The following ELAVL2 variants were observed in gnomAD, a reference collection of about 807,000 sequenced individuals.
ELAVL2 encodes ELAV-like protein 2.
A neutral mutation model predicts 34.6 loss-of-function variants in ELAVL2; 4 were observed. The observed-to-expected ratio is 0.12, with a 90% CI of 0.06 to 0.26. The LOEUF is 0.26. Among genes scored for constraint, ELAVL2 ranks in the 10% least tolerant of loss-of-function variants. The probability of loss-of-function intolerance (pLI) is 1.00; values close to 1 mark genes in which losing one functional copy is unlikely to be tolerated. For missense variants in ELAVL2, 432 were observed against 442.8 expected, an observed-to-expected ratio of 0.98 and a Z score of 0.22; for synonymous variants, 193 against 154.8, an observed-to-expected ratio of 1.25 and a Z score of -1.83.
At chr9:23,701,893 T>G (rs191939980) in intron 4 of ELAVL2, among the ~76,000 whole-genome samples, 1 of 152,222 alleles carries the variant, frequency 6.6e-6, no homozygotes, top group Admixed American at 6.5e-5. Context: ...ATGTCCATGT[T>G]TTCTCTCTCT....
chr9:23,776,429 A>T (rs754555489), intron 1 of ELAVL2, among the ~76,000 whole-genome samples: 10 of 152,160 alleles, frequency 6.6e-5, no homozygotes, highest in Non-Finnish European at 1.2e-4. Context: ...GGAAACCTGA[A>T]GTTTATACTC....
At chr9:23,724,085 G>A (rs1325219185) in intron 3 of ELAVL2, among the ~76,000 whole-genome samples, 2 of 152,148 alleles carry the variant, frequency 1.3e-5, no homozygotes. Context: ...ACCATACTTT[G>A]CATAAGTTTA....
intron 5 of ELAVL2, 70 bp from the exon 6 acceptor site, chr9:23,693,556 A>T: frequency 6.5e-7 from 1 of 1,547,556 alleles, no homozygotes; most frequent in East Asian, 2.2e-5. Flanking sequence ...AGTTGGGCTC[A>T]TTACTGCCAT....
chr9:23,708,303 A>G (rs2039963807), intron 3 of ELAVL2, among the ~76,000 whole-genome samples: 1 of 152,224 alleles, frequency 6.6e-6, no homozygotes, highest in Non-Finnish European at 1.5e-5. Context: ...TTCACAAACT[A>G]CAATATTTTG....
rs559850347 is a variant in ELAVL2 at position 23,755,969 on chromosome 9, G to C, written c.229+6037C>G. 4.5e-4 allele frequency among the ~76,000 whole-genome samples: 68 copies of C among 152,186 alleles called. No homozygotes were observed. The South Asian group carries it at 0.014, about 31-fold the overall frequency. On this transcript the variant is annotated intron_variant, in intron 2 of 6. Coordinates refer to ENST00000397312, the MANE Select transcript of ELAVL2 (RefSeq NM_004432.5). ...AATTAATGTTCATCAAAACAGCTTT[G>C]TGTTCACTGTGATTGACTCATAGGA... is the stretch of plus-strand genomic sequence containing the variant.
intron 2 of ELAVL2, among the ~76,000 whole-genome samples, chr9:23,732,528 T>A (rs1028587224): frequency 3.3e-5 from 5 of 152,244 alleles, no homozygotes; most frequent in African/African-American, 1.2e-4. Context: ...GAGTCACATG[T>A]GAAGCCACTG....
At position 23,807,295 on chromosome 9, in the gene ELAVL2, G is replaced by C. The variant is rs145287318; in HGVS notation, c.-16+18511C>G. On this transcript the variant is annotated intron_variant, in intron 1 of 6. Coordinates refer to ENST00000397312, the MANE Select transcript of ELAVL2 (RefSeq NM_004432.5). Reference sequence around the variant, plus strand: ...TAGGTCTGGTGATCTGTGTGAATGAGGAAACTAGCCAGATGGAAAATTCAC... The same window carrying C: ...TAGGTCTGGTGATCTGTGTGAATGACGAAACTAGCCAGATGGAAAATTCAC... Among the ~76,000 whole-genome samples, 602 of 152,150 alleles carry C rather than the reference G, an allele frequency of 4.0e-3. 1 individual carries two copies. Among genetic ancestry groups the C allele is most frequent in the Non-Finnish European group, 6.9e-3 (466 of 67,988 alleles).
chr9:23,702,291 A>G (rs144585093), intron 4 of ELAVL2, among the ~76,000 whole-genome samples: 2,482 of 152,264 alleles, frequency 0.016, 27 homozygotes, highest in South Asian at 0.03. Context: ...AAAAATAAAT[A>G]AATTTCTAGA....
At chr9:23,720,410 G>A (rs908836101) in intron 3 of ELAVL2, among the ~76,000 whole-genome samples, 4 of 148,742 alleles carry the variant, frequency 2.7e-5, no homozygotes, top group African/African-American at 9.9e-5. Context: ...ACTTCTGACT[G>A]CCCACCTCAG....
chr9:23,693,457 C>T lies in ELAVL2; in HGVS notation c.743G>A (p.Gly248Glu). 3 of 1,614,086 alleles carry T rather than the reference C, an allele frequency of 1.9e-6. No homozygotes were observed. Among genetic ancestry groups the T allele is most frequent in the Non-Finnish European group, 2.5e-6 (3 of 1,179,954 alleles). The change falls in exon 6 of 7, where the codon GGA (glycine) becomes GAA (glutamate). Residue 248 changes from glycine to glutamate, a missense_variant. By Grantham distance (98) the Gly-to-Glu change is moderately conservative. Transcript: ENST00000397312. Reference sequence around the variant, plus strand: ...GAACCTCTATCATTACCTCTTTACTCCATAAGCCATATTGAGCAGATTGTC... The same window carrying T: ...GAACCTCTATCATTACCTCTTTACTTCATAAGCCATATTGAGCAGATTGTC... Reference protein sequence around the residue: ...RLDNLLNMAYGVKRFSPMTID... With the variant: ...RLDNLLNMAYEVKRFSPMTID...
intron 1 of ELAVL2, among the ~76,000 whole-genome samples, chr9:23,785,820 C>T (rs989431168): frequency 3.9e-5 from 6 of 152,144 alleles, no homozygotes; most frequent in Non-Finnish European, 8.8e-5. Context: ...AGTAGTTGAT[C>T]GGTTTGATAG....
chr9:23,787,199 G>A (rs566252558), intron 1 of ELAVL2, among the ~76,000 whole-genome samples: 5 of 151,906 alleles, frequency 3.3e-5, no homozygotes, highest in Admixed American at 6.6e-5. Flanking sequence ...GCTCTAAGCC[G>A]TTTTAAAGGG....
chr9:23,786,781 CA>C (rs57292061), intron 1 of ELAVL2, among the ~76,000 whole-genome samples: 20,308 of 107,868 alleles, frequency 0.19, 1,157 homozygotes, highest in East Asian at 0.28. Flanking sequence ...ATTTTAGTGG[CA>C]AAAAAAAAAA....
chr9:23,810,277 G>A (rs963366541), intron 1 of ELAVL2, among the ~76,000 whole-genome samples: 22 of 152,068 alleles, frequency 1.4e-4, no homozygotes, highest in African/African-American at 5.3e-4. Flanking sequence ...ACCAGCCTGT[G>A]ATGGAAATGC....
chr9:23,820,391 C>A (rs745770190), intron 1 of ELAVL2, among the ~76,000 whole-genome samples: 1 of 152,112 alleles, frequency 6.6e-6, no homozygotes, highest in African/African-American at 2.4e-5. Context: ...TTCTAAGAAC[C>A]GTTCTTTGAG....
At chr9:23,710,755 G>C (rs1222417479) in intron 3 of ELAVL2, among the ~76,000 whole-genome samples, 1 of 152,162 alleles carries the variant, frequency 6.6e-6, no homozygotes. Context: ...GAGTCTTCGT[G>C]GGACTATCTG....
chr9:23,823,000 G>T (rs978431181), intron 1 of ELAVL2, among the ~76,000 whole-genome samples: 5 of 152,160 alleles, frequency 3.3e-5, no homozygotes, highest in Non-Finnish European at 5.9e-5. Flanking sequence ...CCTCTTGGGC[G>T]AAGTCTAATC....
intron 3 of ELAVL2, among the ~76,000 whole-genome samples, chr9:23,711,202 A>T (rs1421293513): frequency 6.6e-6 from 1 of 152,224 alleles, no homozygotes; most frequent in East Asian, 1.9e-4. Flanking sequence ...TATAAAAGGT[A>T]TTAAAGGTTA....
chr9:23,736,093 T>A (rs2047823681), intron 2 of ELAVL2, among the ~76,000 whole-genome samples: 1 of 152,176 alleles, frequency 6.6e-6, no homozygotes, highest in Admixed American at 6.5e-5. Context: ...CATTCAAAGG[T>A]CACTTTATTT....
Sources: allele counts gnomAD v4.1 joint callset (sites outside exome capture counted in the v4.1 genomes callset), GRCh38; gene constraint gnomAD v4.1.1; transcripts MANE v1.5; gene names NCBI Gene and HGNC (gene_info 2026-07-23, HGNC 2026-07-21).